NHSL1: variants seen among roughly 807,000 people sequenced by gnomAD.
NHSL1 encodes NHS-like protein 1.
In NHSL1, 48 loss-of-function variants were observed where a neutral mutation model predicts 95.0. The observed-to-expected ratio is 0.51, with a 90% CI of 0.40 to 0.64. The LOEUF (loss-of-function observed/expected upper bound fraction) is 0.64, where lower values mean the gene tolerates loss of function less well. Among genes scored for constraint, NHSL1 ranks in the 30% least tolerant of loss-of-function variants. NHSL1 has a pLI of 0.00. For synonymous variants in NHSL1, 783 were observed against 833.9 expected, an observed-to-expected ratio of 0.94 and a Z score of 1.05; for missense variants, 1,971 against 2,077.7, an observed-to-expected ratio of 0.95 and a Z score of 1.00.
At chr6:138,658,313 C>T (rs1785184016) in intron 1 of NHSL1, among the ~76,000 whole-genome samples, 1 of 152,220 alleles carries the variant, frequency 6.6e-6, no homozygotes, top group Non-Finnish European at 1.5e-5. Context: ...TCCTGCATAA[C>T]TGAAACTGTA....
At chr6:138,426,036 T>C (rs1775241802) in intron 7 of NHSL1, among the ~76,000 whole-genome samples, 1 of 152,188 alleles carries the variant, frequency 6.6e-6, no homozygotes, top group African/African-American at 2.4e-5. Context: ...GTGCTTTCCA[T>C]TGCCAGTGAC....
chr6:138,459,280 C>T (rs578141884), intron 3 of NHSL1, among the ~76,000 whole-genome samples: 1 of 152,130 alleles, frequency 6.6e-6, no homozygotes, highest in Non-Finnish European at 1.5e-5. Flanking sequence ...GAGTCCCACG[C>T]CTGACCATAT....
intron 1 of NHSL1, among the ~76,000 whole-genome samples, chr6:138,532,971 G>A (rs1022600437): frequency 6.6e-6 from 1 of 152,134 alleles, no homozygotes; most frequent in Non-Finnish European, 1.5e-5. Flanking sequence ...TAAAGGGGAA[G>A]GAATGAAGTC....
chr6:138,592,585 G>T (rs1784245487), intron 1 of NHSL1, among the ~76,000 whole-genome samples: 1 of 151,426 alleles, frequency 6.6e-6, no homozygotes, highest in Non-Finnish European at 1.5e-5. Flanking sequence ...TTGGGCGACA[G>T]AGCGAGACTG....
intron 1 of NHSL1, among the ~76,000 whole-genome samples, chr6:138,635,307 TAAGAA>T (rs143602285): frequency 0.015 from 2,270 of 152,188 alleles, 40 homozygotes; most frequent in African/African-American, 0.04. Flanking sequence ...TTAGCCAGAC[TAAGAA>T]AAGAAAAGAT....
At chr6:138,453,373 G>A (rs1246963238) in intron 3 of NHSL1, among the ~76,000 whole-genome samples, 1 of 151,782 alleles carries the variant, frequency 6.6e-6, no homozygotes, top group African/African-American at 2.4e-5. Context: ...TGTTGTTTTT[G>A]AGATGAGGTC....
intron 1 of NHSL1, among the ~76,000 whole-genome samples, chr6:138,633,045 A>T (rs1370538724): frequency 1.3e-5 from 2 of 152,146 alleles, no homozygotes; most frequent in Non-Finnish European, 2.9e-5. Context: ...TTCTGGAGAT[A>T]AAAAATGCAA....
chr6:138,499,801 T>G (rs1780575462), upstream of NHSL1, among the ~76,000 whole-genome samples: 1 of 152,186 alleles, frequency 6.6e-6, no homozygotes, highest in South Asian at 2.1e-4. Context: ...GCAATTCCAG[T>G]TAATTCAGGG....
intron 1 of NHSL1, among the ~76,000 whole-genome samples, chr6:138,640,291 C>T (rs1025591953): frequency 3.3e-5 from 5 of 152,104 alleles, no homozygotes; most frequent in African/African-American, 4.8e-5. Context: ...GAGTTTTAGG[C>T]TAGGGCAAAC....
intron 1 of NHSL1, among the ~76,000 whole-genome samples, chr6:138,657,683 C>T (rs1407845883): frequency 1.3e-5 from 2 of 151,396 alleles, no homozygotes; most frequent in East Asian, 1.9e-4. Flanking sequence ...GGCTTGGTGG[C>T]GGGCGCCTGT....
intron 1 of NHSL1, among the ~76,000 whole-genome samples, chr6:138,519,966 T>C (rs1781608233): frequency 1.3e-5 from 2 of 152,198 alleles, no homozygotes; most frequent in Non-Finnish European, 2.9e-5. Flanking sequence ...GTTTTATACT[T>C]TCCCAGCTGC....
Position 138,473,293 on chromosome 6 carries a change from CT to C in NHSL1, c.339+12del. The C allele has an allele frequency of 6.5e-7, 1 of 1,532,806 alleles. No individual in the cohort carries two copies. The highest frequency in any genetic ancestry group is 1.2e-5 in the South Asian group (1 of 80,670). The allele number at this position is 1,532,806 out of a possible 1,614,324, so 95.0% of individuals were successfully genotyped here. On this transcript the variant is annotated intron_variant, in intron 3 of 7. Coordinates refer to ENST00000343505, the MANE Select transcript of NHSL1 (RefSeq NM_001144060.2). Reference sequence around the variant, plus strand: ...ACCCAACCCAGGACCCCGTGTTGAACTTTGAAGCTTACCTTTTGATCTGTTT... The same window carrying C: ...ACCCAACCCAGGACCCCGTGTTGAACTTGAAGCTTACCTTTTGATCTGTTT...
At chr6:138,476,067 T>C (rs1416645541) in intron 2 of NHSL1, among the ~76,000 whole-genome samples, 1 of 152,184 alleles carries the variant, frequency 6.6e-6, no homozygotes, top group African/African-American at 2.4e-5. Context: ...TAGTACAACT[T>C]CTATGGAAAA....
chr6:138,469,652 G>T (rs1778626163), intron 3 of NHSL1, among the ~76,000 whole-genome samples: 1 of 152,072 alleles, frequency 6.6e-6, no homozygotes, highest in African/African-American at 2.4e-5. Context: ...TTGAACCCAG[G>T]AGGTTGAGGC....
At chr6:138,471,279 T>C (rs1398165756) in intron 3 of NHSL1, among the ~76,000 whole-genome samples, 2 of 152,202 alleles carry the variant, frequency 1.3e-5, no homozygotes, top group East Asian at 1.9e-4. Flanking sequence ...TAGTGGTCTC[T>C]ACACACCCAG....
At chr6:138,525,155 C>T (rs1398998182) in intron 1 of NHSL1, among the ~76,000 whole-genome samples, 2 of 152,004 alleles carry the variant, frequency 1.3e-5, no homozygotes, top group Non-Finnish European at 2.9e-5. Flanking sequence ...TAGGGTCGCA[C>T]TAGTTGAGCT....
At chr6:138,536,768 G>C (rs1583375673) in intron 1 of NHSL1, among the ~76,000 whole-genome samples, 1 of 151,998 alleles carries the variant, frequency 6.6e-6, no homozygotes, top group Middle Eastern at 3.4e-3. Flanking sequence ...TTGTCCTAAT[G>C]CTCTCCCTCC....
intron 1 of NHSL1, among the ~76,000 whole-genome samples, chr6:138,532,005 C>A (rs1259045666): frequency 1.3e-5 from 2 of 152,178 alleles, no homozygotes; most frequent in Non-Finnish European, 2.9e-5. Context: ...ATGTATGACA[C>A]TGTGATAGGT....
intron 1 of NHSL1, among the ~76,000 whole-genome samples, chr6:138,568,674 C>T (rs940916439): frequency 3.3e-5 from 5 of 152,130 alleles, no homozygotes; most frequent in African/African-American, 1.2e-4. Flanking sequence ...CATACAGATG[C>T]TTACTGGTGG....
Sources: gnomAD v4.1 joint callset for allele counts (sites outside exome capture counted in the v4.1 genomes callset) on GRCh38, gnomAD v4.1.1 for gene constraint, MANE v1.5 for transcripts, NCBI Gene and HGNC (gene_info 2026-07-23, HGNC 2026-07-21) for gene names.